Variants in LYAR observed in about 807,000 individuals in gnomAD.
The protein encoded by LYAR is cell growth-regulating nucleolar protein.
Under a neutral mutation model 45.2 loss-of-function variants are expected in LYAR, and 37 were observed. The ratio of observed to expected loss-of-function variants is 0.82; its 90% CI spans 0.63 to 1.08. The LOEUF (loss-of-function observed/expected upper bound fraction) is 1.08. Ranked by LOEUF, LYAR falls within the 50% of genes least tolerant of loss-of-function variation. The probability of loss-of-function intolerance (pLI) is 0.00; values close to 1 mark genes in which losing one functional copy is unlikely to be tolerated. For missense variants in LYAR, 493 were observed against 451.0 expected, an observed-to-expected ratio of 1.09 and a Z score of -0.84; for synonymous variants, 176 against 155.1, an observed-to-expected ratio of 1.14 and a Z score of -1.00.
intron 2 of LYAR, among the ~76,000 whole-genome samples, chr4:4,285,176 T>C (rs1387593084): frequency 6.6e-6 from 1 of 151,974 alleles, no homozygotes; most frequent in South Asian, 2.1e-4. Flanking sequence ...CACAGACCCC[T>C]GATTCCGCGG....
chr4:4,283,015 T>C (rs535239540), intron 3 of LYAR, among the ~76,000 whole-genome samples: 3 of 152,324 alleles, frequency 2.0e-5, no homozygotes, highest in East Asian at 1.9e-4. Context: ...ACGCAGTTAG[T>C]TCCCTGGGTC....
Position 4,283,717 on chromosome 4 carries a change from C to T in LYAR, c.26G>A (p.Cys9Tyr). The T allele has an allele frequency of 6.2e-7, 1 of 1,611,906 alleles. No individual in the cohort carries two copies. Among genetic ancestry groups the T allele is most frequent in the Non-Finnish European group, 8.5e-7 (1 of 1,179,398 alleles). The change falls in exon 3 of 10, where the codon TGT becomes TAT. Residue 9 changes from cysteine (C) to tyrosine (Y), a missense_variant. Transcript: ENST00000343470. The part of the protein sequence containing the change: MVFFTCNA[C>Y]GESVKKIQVE... ...TTGTATTTTCTTCACTGATTCACCA[C>T]ATGCATTGCATGTAAAAAATACCAT...
At chr4:4,276,815 C>T (rs752156740) in intron 6 of LYAR, among the ~76,000 whole-genome samples, 7 of 151,982 alleles carry the variant, frequency 4.6e-5, no homozygotes, top group Admixed American at 6.6e-5. Flanking sequence ...CAAGATCGTG[C>T]CACTGTACTC....
intron 8 of LYAR, among the ~76,000 whole-genome samples, chr4:4,269,415 C>A (rs1057327540): frequency 6.6e-6 from 1 of 152,184 alleles, no homozygotes; most frequent in Non-Finnish European, 1.5e-5. Flanking sequence ...GAGTGGCGAG[C>A]CTGAGTTCTC....
At chr4:4,275,281 C>T (rs1242878186) in intron 6 of LYAR, among the ~76,000 whole-genome samples, 1 of 152,192 alleles carries the variant, frequency 6.6e-6, no homozygotes, top group Non-Finnish European at 1.5e-5. Context: ...GAGGAAAGAT[C>T]CGTCATGTGC....
chr4:4,274,659 C>G lies in LYAR; in HGVS notation c.540G>C (p.Gln180His), dbSNP rs766526024. 15 of 1,613,978 alleles carry G rather than the reference C, an allele frequency of 9.3e-6. No homozygotes were observed. The highest frequency in any genetic ancestry group is 1.2e-5 in the Non-Finnish European group (14 of 1,180,028). ...PASKVKDAVE[Q>H]QGEVKKNKRE... ...TTTTATTCTTCTTCACCTCCCCTTG[C>G]TGTTCCACGGCGTCTTTCACTTTGG... is the stretch of plus-strand genomic sequence containing the variant. Residue 180 changes from glutamine to histidine, a missense_variant, in exon 7 of 10, where the codon CAG (glutamine) becomes CAC (histidine). By Grantham distance (24) the Gln-to-His change is conservative. Coordinates refer to ENST00000343470, the MANE Select transcript of LYAR (RefSeq NM_017816.3).
intron 6 of LYAR, among the ~76,000 whole-genome samples, chr4:4,276,215 T>C (rs938481489): frequency 6.6e-6 from 1 of 152,202 alleles, no homozygotes; most frequent in Non-Finnish European, 1.5e-5. Flanking sequence ...CTGATGCACC[T>C]GCAGGCGGGG....
intron 9 of LYAR, 140 bp downstream of exon 9, chr4:4,268,390 T>C (rs1317990454): frequency 3.1e-6 from 2 of 646,796 alleles, no homozygotes; most frequent in Non-Finnish European, 5.4e-6. Context: ...GTGTGGGGCT[T>C]TGGAGCAGCT....
chr4:4,282,514 A>G (rs1384424338), intron 3 of LYAR, among the ~76,000 whole-genome samples: 1 of 152,222 alleles, frequency 6.6e-6, no homozygotes, highest in African/African-American at 2.4e-5. Context: ...ACGTCTGAAC[A>G]GAGGTTAGCA....
chr4:4,268,715 G>A, intron 8 of LYAR, 100 bp from the exon 9 acceptor site: 1 of 719,890 alleles, frequency 1.4e-6, no homozygotes, highest in Non-Finnish European at 2.3e-6. Context: ...CCCAGGAAAT[G>A]AGCTAACCCT....
Position 4,281,638 on chromosome 4 carries a change from G to C in LYAR, c.237+145C>G, listed in dbSNP as rs543700507. ...CCAGCCAAAGAATTCTTTTTCAAGAGGTTTTAGTTCAACCTGTCTATCCTA... is the reference window on the plus strand; with the variant it reads ...CCAGCCAAAGAATTCTTTTTCAAGACGTTTTAGTTCAACCTGTCTATCCTA... On this transcript the variant is annotated intron_variant, in intron 4 of 9. Transcript: ENST00000343470. 191 of 637,960 alleles carry C rather than the reference G, an allele frequency of 3.0e-4. 1 individual carries two copies. In the South Asian group the frequency reaches 3.6e-3, roughly 12 times the overall value. 39.5% of individuals were successfully genotyped at this position (637,960 alleles called of 1,614,324 possible).
chr4:4,284,658 C>T (rs192611889), intron 2 of LYAR, among the ~76,000 whole-genome samples: 19 of 152,230 alleles, frequency 1.2e-4, no homozygotes, highest in African/African-American at 2.6e-4. Context: ...GAAATGCTAC[C>T]GTGCTCAGGA....
In LYAR at chr4:4,281,855, A is replaced by G; in HGVS notation, c.165T>C (p.Asp55=). 1 of 1,614,056 alleles carries G rather than the reference A, an allele frequency of 6.2e-7. No homozygotes were observed. Among genetic ancestry groups the G allele is most frequent in the Non-Finnish European group, 8.5e-7 (1 of 1,180,002 alleles). ...YKNHVKCISE[D]QKYGGKGYEG... is the part of the protein sequence containing the mutation. ...CATAGCCTTTGCCACCATACTTCTG[A>G]TCTTCACTTATGCATTTCACGTGGT... is the stretch of plus-strand genomic sequence containing the variant. The change falls in exon 4 of 10, where the codon GAT becomes GAC. Residue 55 remains aspartate, a synonymous_variant. Coordinates refer to ENST00000343470, the MANE Select transcript of LYAR (RefSeq NM_017816.3).
intron 6 of LYAR, among the ~76,000 whole-genome samples, chr4:4,277,611 C>G (rs1398090990): frequency 6.6e-6 from 1 of 152,204 alleles, no homozygotes; most frequent in Non-Finnish European, 1.5e-5. Flanking sequence ...CCTAATCGAG[C>G]ACCTCCTTCA....
intron 2 of LYAR, among the ~76,000 whole-genome samples, chr4:4,284,227 C>T (rs1421663890): frequency 6.6e-6 from 1 of 152,124 alleles, no homozygotes; most frequent in Non-Finnish European, 1.5e-5. Flanking sequence ...TTCCATAATA[C>T]CTTAAACTCT....
At chr4:4,274,299 T>A (rs1053331839) in intron 7 of LYAR, 68 bp downstream of exon 7, 2 of 1,538,308 alleles carry the variant, frequency 1.3e-6, no homozygotes, top group East Asian at 4.5e-5. Context: ...TCTAACAGGC[T>A]TAAATATCCC....
At position 4,279,668 on chromosome 4, in the gene LYAR, C is replaced by T. The variant is rs377617456; in HGVS notation, c.319G>A (p.Val107Ile). The change falls in exon 5 of 10, where the codon GTT (valine) becomes ATT (isoleucine). Residue 107 changes from valine to isoleucine, a missense_variant. Transcript: ENST00000343470. ...LLEQISAFDN[V>I]PRKKAKFQNW... Reference sequence around the variant, plus strand: ...TGAAATTTTGCCTTTTTCCTGGGAACGTTGTCAAAAGCACTAATTTGCTCT... The same window carrying T: ...TGAAATTTTGCCTTTTTCCTGGGAATGTTGTCAAAAGCACTAATTTGCTCT... 9 of 1,613,798 alleles carry T rather than the reference C, an allele frequency of 5.6e-6. No homozygotes were observed. Among genetic ancestry groups the T allele is most frequent in the East Asian group, 4.5e-5 (2 of 44,892 alleles).
chr4:4,273,054 G>A (rs1719005435), intron 8 of LYAR, among the ~76,000 whole-genome samples: 1 of 152,226 alleles, frequency 6.6e-6, no homozygotes, highest in Non-Finnish European at 1.5e-5. Context: ...AACAGGCCCA[G>A]AGATGGGCAG....
Position 4,273,141 on chromosome 4 carries a change from G to C in LYAR, c.919+442C>G, listed in dbSNP as rs368738831. On this transcript the variant is annotated intron_variant, in intron 8 of 9. Transcript: ENST00000343470. ...AGTTGGGGAGGAGCGAAAGGGAACCGGGTCTCAGAAAGCTATATTGGGCTT... is the reference window on the plus strand; with the variant it reads ...AGTTGGGGAGGAGCGAAAGGGAACCCGGTCTCAGAAAGCTATATTGGGCTT... Among the ~76,000 whole-genome samples the C allele has an allele frequency of 2.2e-4, 34 of 152,280 alleles. No individual in the cohort carries two copies. The South Asian group carries it at 2.9e-3, about 13-fold the overall frequency.
Sources: gnomAD v4.1 joint callset for allele counts (sites outside exome capture counted in the v4.1 genomes callset) on GRCh38, gnomAD v4.1.1 for gene constraint, MANE v1.5 for transcripts, NCBI Gene and HGNC (gene_info 2026-07-23, HGNC 2026-07-21) for gene names.